TRIM3: variants seen among roughly 807,000 people sequenced by gnomAD.
The protein encoded by TRIM3 is tripartite motif containing 3.
TRIM3 carries 13 observed loss-of-function variants against 66.6 expected under a neutral mutation model. The observed-to-expected ratio is 0.20, with a 90% CI of 0.13 to 0.31. The LOEUF (loss-of-function observed/expected upper bound fraction) is 0.31, where lower values mean the gene tolerates loss of function less well. Ranked by LOEUF, TRIM3 falls within the 10% of genes least tolerant of loss-of-function variation. The pLI is 1.00. For synonymous variants in TRIM3, 406 were observed against 411.7 expected (o/e 0.99, Z 0.17); for missense variants, 711 against 1,020.4 (o/e 0.70, Z 4.13).
rs1060069 is a variant in TRIM3, at chr11:6,456,787, G to A, written c.939C>T (p.Gly313=). 33 of 1,612,230 alleles carry A rather than the reference G, an allele frequency of 2.0e-5. No homozygotes were observed. The East Asian group carries it at 2.7e-4, about 13-fold the overall frequency. ...DGLRRSVLNL[G]ALLTTSATAH... The stretch of plus-strand genomic sequence containing the variant: ...CAGTGGCGCTCGTGGTGAGCAGTGC[G>A]CCCAGATTGAGCACCGATCGCCGCA... Residue 313 remains glycine (G), a synonymous_variant, in exon 6 of 12, where the codon GGC becomes GGT. Coordinates refer to ENST00000345851, the MANE Select transcript of TRIM3 (RefSeq NM_033278.4). The surrounding 1 kb of genome is among the most constrained non-coding windows in gnomAD (Gnocchi z 6.4).
intron 2 of TRIM3, among the ~76,000 whole-genome samples, chr11:6,463,790 A>G (rs972314417): frequency 6.6e-6 from 1 of 152,218 alleles, no homozygotes; most frequent in African/African-American, 2.4e-5. Context: ...CTGAGGTGGA[A>G]TGGGGGACAA....
Position 6,457,993 on chromosome 11 carries a change from C to G in TRIM3, c.363+72G>C. ...AGCAGTACCCTGTCACCCAGCCACT[C>G]GGCACCCCCCAATGCCTCTCCTCCT... On this transcript the variant is annotated intron_variant, in intron 3 of 11. Coordinates refer to ENST00000345851, the MANE Select transcript of TRIM3 (RefSeq NM_033278.4). The surrounding 1 kb of genome is among the most constrained non-coding windows in gnomAD (Gnocchi z 4.5). 2.0e-6 allele frequency: 3 copies of G among 1,538,352 alleles called. No individual in the cohort carries two copies. The highest frequency in any genetic ancestry group is 2.6e-6 in the Non-Finnish European group (3 of 1,137,116).
chr11:6,450,382 A>G lies in TRIM3; in HGVS notation c.1941+169T>C. ...TTGCTTTGTGCATCACTGTATCTCC[A>G]GCTTCTAGCATACTGCCTGGGACAA... On this transcript the variant is annotated intron_variant, in intron 10 of 11. Transcript: ENST00000345851. This position sits in a 1 kb window ranked among gnomAD's most constrained non-coding sequence, Gnocchi z 4.8. 1.6e-6 allele frequency: 1 copy of G among 630,392 alleles called. No individual in the cohort carries two copies. Among genetic ancestry groups the G allele is most frequent in the South Asian group, 1.9e-5 (1 of 51,512 alleles). The allele number at this position is 630,392 out of a possible 1,614,324, so 39.0% of individuals were successfully genotyped here.
chr11:6,472,303 A>G (rs1173273038), intron 1 of TRIM3, among the ~76,000 whole-genome samples: 1 of 152,214 alleles, frequency 6.6e-6, no homozygotes, highest in Non-Finnish European at 1.5e-5. Flanking sequence ...AAGGGCTTCC[A>G]CAGATTGTAC....
At chr11:6,451,490 GCA>G in intron 7 of TRIM3, 52 bp from the exon 8 acceptor site, 1 of 1,593,714 alleles carries the variant, frequency 6.3e-7, no homozygotes, top group South Asian at 1.1e-5. Flanking sequence ...GACACTGTGG[GCA>G]CAGACAGAAG....
rs1160368264 is a variant in TRIM3, at chr11:6,449,197, GA to G, written c.2083-18del. ...GTCGAATACCTGGGGAAGGAGTGCA[GA>G]AAGGAGGGAGAGGCAAGATCAGGCA... On this transcript the variant is annotated intron_variant, in intron 11 of 11. Transcript: ENST00000345851. The surrounding 1 kb of genome is among the most constrained non-coding windows in gnomAD (Gnocchi z 5.3). The G allele has an allele frequency of 1.9e-6, 3 of 1,613,154 alleles. No individual in the cohort carries two copies. The highest frequency in any genetic ancestry group is 2.5e-6 in the Non-Finnish European group (3 of 1,179,126).
intron 2 of TRIM3, among the ~76,000 whole-genome samples, chr11:6,465,273 G>T (rs774792510): frequency 2.6e-4 from 40 of 152,268 alleles, no homozygotes; most frequent in Non-Finnish European, 4.6e-4. Context: ...AGCACTGTTT[G>T]ATTTCTTAGG....
intron 1 of TRIM3, among the ~76,000 whole-genome samples, chr11:6,468,676 T>C (rs1418686060): frequency 6.6e-6 from 1 of 151,464 alleles, no homozygotes; most frequent in Non-Finnish European, 1.5e-5. Flanking sequence ...CACGTCAGAG[T>C]GACTGAAGAG....
In TRIM3 at chr11:6,456,640, C is replaced by G; in HGVS notation, c.1086G>C (p.Leu362=). ...CGTCCGGGCCGGTGATCTCTGCACG[C>G]AGCTCAGCGCTGCCTGTGCGCACCA... The part of the protein sequence containing the change: ...GRLVRTGSAE[L]RAEITGPDGT... The change falls in exon 6 of 12, where the codon CTG becomes CTC. Residue 362 remains leucine (L), a synonymous_variant. Coordinates refer to ENST00000345851, the MANE Select transcript of TRIM3 (RefSeq NM_033278.4). The surrounding 1 kb of genome is among the most constrained non-coding windows in gnomAD (Gnocchi z 6.4). 2.5e-6 allele frequency: 4 copies of G among 1,612,060 alleles called. No individual in the cohort carries two copies. Among genetic ancestry groups the G allele is most frequent in the Non-Finnish European group, 3.4e-6 (4 of 1,179,478 alleles).
rs370579436 is a variant in TRIM3 at position 6,465,699 on chromosome 11, G to A, written c.-4C>T. Reference sequence around the variant, plus strand: ...GGCTGTCCTCCCTCTTTGCCATGGCGCCCACAGATGGCTCCCGCCACTCAC... The same window carrying A: ...GGCTGTCCTCCCTCTTTGCCATGGCACCCACAGATGGCTCCCGCCACTCAC... On this transcript the variant is annotated 5_prime_UTR_variant, in exon 2 of 12. Coordinates refer to ENST00000345851, the MANE Select transcript of TRIM3 (RefSeq NM_033278.4). The A allele has an allele frequency of 7.2e-5, 116 of 1,612,336 alleles. No individual in the cohort carries two copies. The highest frequency in any genetic ancestry group is 8.3e-5 in the Admixed American group (5 of 59,974).
chr11:6,450,868 G>A lies in TRIM3; in HGVS notation c.1870+24C>T, dbSNP rs1392548777. ...TCTCTGGAACAGGGGTATCAGCATA[G>A]ATCTTGGAGCTGTCCCCCTATACCT... On this transcript the variant is annotated intron_variant, in intron 9 of 11. Coordinates refer to ENST00000345851, the MANE Select transcript of TRIM3 (RefSeq NM_033278.4). This position sits in a 1 kb window ranked among gnomAD's most constrained non-coding sequence, Gnocchi z 4.8. 1 of 1,613,414 alleles carries A rather than the reference G, an allele frequency of 6.2e-7. No individual in the cohort carries two copies. The highest frequency in any genetic ancestry group is 1.3e-5 in the African/African-American group (1 of 74,910).
rs1267272700 is a variant in TRIM3, at chr11:6,456,358, C to A, written c.1368G>T (p.Met456Ile). 1 of 1,539,062 alleles carries A rather than the reference C, an allele frequency of 6.5e-7. No homozygotes were observed. Among genetic ancestry groups the A allele is most frequent in the Non-Finnish European group, 8.8e-7 (1 of 1,140,066 alleles). Residue 456 changes from methionine to isoleucine, a missense_variant, in exon 6 of 12, where the codon ATG (methionine) becomes ATT (isoleucine). Met to Ile is a conservative substitution (Grantham distance 10). Transcript: ENST00000345851. The surrounding 1 kb of genome is among the most constrained non-coding windows in gnomAD (Gnocchi z 6.4). ...CCTTTCGTTTGCCGCCTGTGCTGTA[C>A]ATGGAGCTGGGCCTACGCACTGCCT... ...RQKAVRRPSSMYSTGGKRKDN... is the reference protein window; with the variant it reads ...RQKAVRRPSSIYSTGGKRKDN...
chr11:6,457,010 T>C lies in TRIM3; in HGVS notation c.716A>G (p.Asp239Gly). The change falls in exon 6 of 12, where the codon GAC (aspartate) becomes GGC (glycine). Residue 239 changes from aspartate to glycine, a missense_variant. By Grantham distance (94) the Asp-to-Gly change is moderately conservative. Around this residue, in one of 3 missense-constraint regions of TRIM3, gnomAD observed 399 missense variants for 458.1 expected, o/e 0.87. Coordinates refer to ENST00000345851, the MANE Select transcript of TRIM3 (RefSeq NM_033278.4). The surrounding 1 kb of genome is among the most constrained non-coding windows in gnomAD (Gnocchi z 4.5). ...GTGTTCCTGACCCTGGCGCAGTGTG[T>C]CCAGCTGGCTTTGCAACACCTGATG... ...AKQKVLQSQL[D>G]TLRQGQEHIG... The C allele has an allele frequency of 6.3e-7, 1 of 1,590,970 alleles. No homozygotes were observed. The highest frequency in any genetic ancestry group is 8.6e-7 in the Non-Finnish European group (1 of 1,167,642).
rs768881445 is a variant in TRIM3, at chr11:6,456,436, A to G, written c.1290T>C (p.Asp430=). ...CAGGGGACTTGACACGGCGCTTCAC[A>G]TCGTCCGGGGAAGGTGGCAGGTCCC... The part of the protein sequence containing the change: ...RPGDLPPSPD[D]VKRRVKSPGG... Residue 430 remains aspartate (D), a synonymous_variant, in exon 6 of 12, where the codon GAT becomes GAC. Transcript: ENST00000345851. This position sits in a 1 kb window ranked among gnomAD's most constrained non-coding sequence, Gnocchi z 6.4. 6.5e-7 allele frequency: 1 copy of G among 1,532,804 alleles called. No homozygotes were observed. Among genetic ancestry groups the G allele is most frequent in the South Asian group, 1.3e-5 (1 of 78,974 alleles). The allele number at this position is 1,532,804 out of a possible 1,614,324, so 95.0% of individuals were successfully genotyped here.
chr11:6,458,001 C>G lies in TRIM3; in HGVS notation c.363+64G>C, dbSNP rs1176247181. On this transcript the variant is annotated intron_variant, in intron 3 of 11. Transcript: ENST00000345851. The surrounding 1 kb of genome is among the most constrained non-coding windows in gnomAD (Gnocchi z 6.2). ...CCTGTCACCCAGCCACTCGGCACCC[C>G]CCAATGCCTCTCCTCCTCCTCCCAC... is the stretch of plus-strand genomic sequence containing the variant. 1.7e-5 allele frequency: 26 copies of G among 1,547,524 alleles called. No individual in the cohort carries two copies. The Admixed American group carries it at 1.9e-4, about 12-fold the overall frequency.
At chr11:6,472,009 A>G (rs1343546125) in intron 1 of TRIM3, among the ~76,000 whole-genome samples, 1 of 152,172 alleles carries the variant, frequency 6.6e-6, no homozygotes, top group East Asian at 1.9e-4. Flanking sequence ...AAAAGGCACC[A>G]CCACTCACCC....
chr11:6,450,239 T>TAC lies in TRIM3; in HGVS notation c.1941+311_1941+312insGT. The TAC allele has an allele frequency of 2.7e-6, 1 of 368,034 alleles. No individual in the cohort carries two copies. The highest frequency in any genetic ancestry group is 5.0e-6 in the Non-Finnish European group (1 of 200,812). 22.8% of individuals were successfully genotyped at this position (368,034 alleles called of 1,614,324 possible). ...CTTTCCTGAATCATACACTTCTGTA[T>TAC]CCCTTCCCACAGTTCCCTGCACCTT... On this transcript the variant is annotated intron_variant, in intron 10 of 11. Transcript: ENST00000345851. This position sits in a 1 kb window ranked among gnomAD's most constrained non-coding sequence, Gnocchi z 4.8.
intron 1 of TRIM3, among the ~76,000 whole-genome samples, chr11:6,472,348 C>T (rs1850714791): frequency 6.6e-6 from 1 of 152,184 alleles, no homozygotes; most frequent in Admixed American, 6.5e-5. Context: ...CTTGTACTAC[C>T]TCGATGATTT....
At position 6,458,457 on chromosome 11, in the gene TRIM3, AT is replaced by A; in HGVS notation, c.132-162del. Reference sequence around the variant, plus strand: ...CACATCTCATCTGCCAGCAGGTATAATGGCCTTGCCCCTTACAACTGAGTAG... The same window carrying A: ...CACATCTCATCTGCCAGCAGGTATAAGGCCTTGCCCCTTACAACTGAGTAG... On this transcript the variant is annotated intron_variant, in intron 2 of 11. Coordinates refer to ENST00000345851, the MANE Select transcript of TRIM3 (RefSeq NM_033278.4). This position sits in a 1 kb window ranked among gnomAD's most constrained non-coding sequence, Gnocchi z 6.2. 1 of 634,492 alleles carries A rather than the reference AT, an allele frequency of 1.6e-6. No individual in the cohort carries two copies. Among genetic ancestry groups the A allele is most frequent in the Non-Finnish European group, 2.8e-6 (1 of 361,856 alleles). 39.3% of individuals were successfully genotyped at this position (634,492 alleles called of 1,614,324 possible). A position where few individuals can be genotyped will look rare whatever the true frequency, so the allele number is the denominator to read the frequency against.
Sources: allele counts gnomAD v4.1 joint callset (sites outside exome capture counted in the v4.1 genomes callset), GRCh38; gene constraint gnomAD v4.1.1; regional missense constraint gnomAD v4.1.1; non-coding constraint Gnocchi (gnomAD v3.1); transcripts MANE v1.5; gene names NCBI Gene and HGNC (gene_info 2026-07-23, HGNC 2026-07-21).